CHRNB1: variants seen among roughly 807,000 people sequenced by gnomAD.
The protein encoded by CHRNB1 is cholinergic receptor nicotinic beta 1 subunit.
A neutral mutation model predicts 53.8 loss-of-function variants in CHRNB1; 47 were observed. The observed-to-expected ratio is 0.87, with a 90% CI of 0.69 to 1.11. The LOEUF is 1.11. Ranked by LOEUF, CHRNB1 falls within the 50% of genes most tolerant of loss-of-function variation. The pLI is 0.00. For synonymous variants in CHRNB1, 259 were observed against 263.5 expected, an observed-to-expected ratio of 0.98 and a Z score of 0.16; for missense variants, 605 against 654.9, an observed-to-expected ratio of 0.92 and a Z score of 0.83.
chr17:7,456,397 C>T (rs547278160), intron 10 of CHRNB1, among the ~76,000 whole-genome samples, 186 bp from the exon 11 acceptor site: 6 of 152,204 alleles, frequency 3.9e-5, no homozygotes, highest in African/African-American at 1.4e-4. Flanking sequence ...TTGGTCCCAC[C>T]CCCTGCTTAC....
chr17:7,452,024 T>A (rs977540153), intron 7 of CHRNB1, among the ~76,000 whole-genome samples: 3 of 151,626 alleles, frequency 2.0e-5, no homozygotes, highest in Admixed American at 2.0e-4. Flanking sequence ...AGAGGAATAA[T>A]ATGATCTGAT....
rs1449942133 is a variant in CHRNB1, at chr17:7,456,823, G to GA, written c.*102dup. 13 of 1,512,024 alleles carry GA rather than the reference G, an allele frequency of 8.6e-6. No homozygotes were observed. In the African/African-American group the frequency reaches 1.8e-4, roughly 21 times the overall value. The allele number at this position is 1,512,024 out of a possible 1,614,324, so 93.7% of individuals were successfully genotyped here. A position where few individuals can be genotyped will look rare whatever the true frequency, so the allele number is the denominator to read the frequency against. On this transcript the variant is annotated 3_prime_UTR_variant, in exon 11 of 11. Coordinates refer to ENST00000306071, the MANE Select transcript of CHRNB1 (RefSeq NM_000747.3). ...CTCTGCCTCTTAACTCCTTCACGAG[G>GA]AATCTGGGCCTCTTATTTCGTTTCT...
At chr17:7,454,794 CTTTTTTTTTTTT>C (rs1171593191) in intron 8 of CHRNB1, among the ~76,000 whole-genome samples, 2 of 65,526 alleles carry the variant, frequency 3.1e-5, no homozygotes, top group African/African-American at 7.5e-5. Context: ...CACTAAATAG[CTTTTTTTTTTTT>C]TTTTTTTTTT....
chr17:7,448,685 C>T lies in CHRNB1; in HGVS notation c.717C>T (p.Leu239=). ...EGQRQEVIFY[L]IIRRKPLFYL... ...AGCGCCAGGAAGTCATCTTCTACCTCATCATCCGCCGCAAGCCTCTCTTCT... is the reference window on the plus strand; with the variant it reads ...AGCGCCAGGAAGTCATCTTCTACCTTATCATCCGCCGCAAGCCTCTCTTCT... The change falls in exon 7 of 11, where the codon CTC becomes CTT. Residue 239 remains leucine (L), a synonymous_variant. Transcript: ENST00000306071. 1 of 1,614,182 alleles carries T rather than the reference C, an allele frequency of 6.2e-7. No homozygotes were observed. The highest frequency in any genetic ancestry group is 1.7e-5 in the Admixed American group (1 of 60,018).
intron 8 of CHRNB1, among the ~76,000 whole-genome samples, chr17:7,454,871 C>T (rs764055081): frequency 9.6e-4 from 129 of 133,960 alleles, no homozygotes; most frequent in Non-Finnish European, 1.8e-3. Flanking sequence ...GGCACAATCT[C>T]AGCTCACTGC....
At chr17:7,449,304 C>T (rs1200936060) in intron 7 of CHRNB1, among the ~76,000 whole-genome samples, 3 of 151,518 alleles carry the variant, frequency 2.0e-5, no homozygotes, top group Non-Finnish European at 2.9e-5. Flanking sequence ...GGAGTTTCAC[C>T]GTGTTAGCCA....
Position 7,457,625 on chromosome 17 carries a change from G to C in CHRNB1, c.*902G>C, listed in dbSNP as rs2069964597. The C allele has an allele frequency of 6.6e-6, 1 of 152,180 alleles. No individual in the cohort carries two copies. The allele number at this position is 152,180 out of a possible 1,614,324, so 9.4% of individuals were successfully genotyped here. On this transcript the variant is annotated 3_prime_UTR_variant, in exon 11 of 11. Transcript: ENST00000306071. ...GCTTATTGTTTGCATGTTGGGTCTT[G>C]TGGTCGTTTTCTTTTTACCTTTCTG...
rs370376088 is a variant in CHRNB1, at chr17:7,448,804, G to T, written c.820+16G>T. ...CCAGATGCAGGTAATGGGGGAAGGG[G>T]CTCCTTACTCTTTTGTCATTGGCTC... is the stretch of plus-strand genomic sequence containing the variant. On this transcript the variant is annotated intron_variant, in intron 7 of 10. Transcript: ENST00000306071. 1.4e-5 allele frequency: 23 copies of T among 1,611,098 alleles called. No homozygotes were observed. The African/African-American group carries it at 2.7e-4, about 19-fold the overall frequency.
Position 7,445,799 on chromosome 17 carries a change from G to A in CHRNB1, c.199-270G>A. 1.6e-6 allele frequency: 1 copy of A among 627,084 alleles called. No homozygotes were observed. The highest frequency in any genetic ancestry group is 3.0e-5 in the Admixed American group (1 of 33,838). 38.8% of individuals were successfully genotyped at this position (627,084 alleles called of 1,614,324 possible). On this transcript the variant is annotated intron_variant, in intron 2 of 10. Coordinates refer to ENST00000306071, the MANE Select transcript of CHRNB1 (RefSeq NM_000747.3). This position sits in a 1 kb window ranked among gnomAD's most constrained non-coding sequence, Gnocchi z 5.7. ...TTCGGGGCTGGGTGGATTATGAGCT[G>A]AAGGCAGGGCCGGGGACAGAGCTAG... is the stretch of plus-strand genomic sequence containing the variant.
chr17:7,445,440 C>A lies in CHRNB1; in HGVS notation c.198+31C>A, dbSNP rs1281228716. 1.9e-6 allele frequency: 3 copies of A among 1,605,708 alleles called. No homozygotes were observed. The highest frequency in any genetic ancestry group is 2.2e-5 in the South Asian group (2 of 90,464). On this transcript the variant is annotated intron_variant, in intron 2 of 10. Transcript: ENST00000306071. This position sits in a 1 kb window ranked among gnomAD's most constrained non-coding sequence, Gnocchi z 5.7. ...GGCGCGCGGGGGGTGGAGGTCAGGCCAGCCGACCGGCCGGGGGCGTGGCTT... is the reference window on the plus strand; with the variant it reads ...GGCGCGCGGGGGGTGGAGGTCAGGCAAGCCGACCGGCCGGGGGCGTGGCTT...
At chr17:7,456,525 G>C in intron 10 of CHRNB1, 58 bp from the exon 11 acceptor site, 2 of 1,609,754 alleles carry the variant, frequency 1.2e-6, no homozygotes, top group Non-Finnish European at 8.5e-7. Context: ...GGGAAATGGG[G>C]GGGTTTCCCT....
chr17:7,445,439 C>A lies in CHRNB1; in HGVS notation c.198+30C>A, dbSNP rs1217856992. On this transcript the variant is annotated intron_variant, in intron 2 of 10. Transcript: ENST00000306071. This position sits in a 1 kb window ranked among gnomAD's most constrained non-coding sequence, Gnocchi z 5.7. ...GGGCGCGCGGGGGGTGGAGGTCAGG[C>A]CAGCCGACCGGCCGGGGGCGTGGCT... is the stretch of plus-strand genomic sequence containing the variant. 1 of 1,607,308 alleles carries A rather than the reference C, an allele frequency of 6.2e-7. No homozygotes were observed. Among genetic ancestry groups the A allele is most frequent in the Non-Finnish European group, 8.5e-7 (1 of 1,178,550 alleles).
Position 7,455,903 on chromosome 17 carries a change from A to G in CHRNB1, c.1327A>G (p.Ile443Val), listed in dbSNP as rs2069945197. ...GGAGGTCGTCTCCTCTATCAGCTAC[A>G]TCGCTCGACAGCTGCAGGAACAGGA... ...LREVVSSISY[I>V]ARQLQEQEDH... Residue 443 changes from isoleucine to valine, a missense_variant, in exon 10 of 11, where the codon ATC becomes GTC. Physicochemically the swap from Ile to Val is conservative, Grantham distance 29 (BLOSUM62 3). Coordinates refer to ENST00000306071, the MANE Select transcript of CHRNB1 (RefSeq NM_000747.3). The G allele has an allele frequency of 6.2e-7, 1 of 1,614,128 alleles. No individual in the cohort carries two copies.
At position 7,455,285 on chromosome 17, in the gene CHRNB1, T is replaced by A. The variant is rs1382657530; in HGVS notation, c.1046T>A (p.Ile349Asn). ...CAATACGCCTCTTCTACTCTGCAGA[T>A]CTTCATTCACAAACTTCCGCTGTAC... Reference protein sequence around the residue: ...THQMPLWVRQIFIHKLPLYLR... With the variant: ...THQMPLWVRQNFIHKLPLYLR... The change falls in exon 9 of 11, where the codon ATC becomes AAC. Residue 349 changes from isoleucine to asparagine, a missense_variant and splice_region_variant. Ile to Asn is a moderately radical substitution (Grantham distance 149). Transcript: ENST00000306071. 1 of 1,613,986 alleles carries A rather than the reference T, an allele frequency of 6.2e-7. No individual in the cohort carries two copies.
Position 7,445,313 on chromosome 17 carries a change from T to G in CHRNB1, c.102T>G (p.Leu34=). ...CGGAGGGTCGACTCCGGGAGAAACT[T>G]TTCTCTGGCTATGATAGCTCCGTGC... ...SEAEGRLREK[L]FSGYDSSVRP... The change falls in exon 2 of 11, where the codon CTT becomes CTG. Residue 34 remains leucine, a synonymous_variant. Coordinates refer to ENST00000306071, the MANE Select transcript of CHRNB1 (RefSeq NM_000747.3). This position sits in a 1 kb window ranked among gnomAD's most constrained non-coding sequence, Gnocchi z 5.7. The G allele has an allele frequency of 6.2e-7, 1 of 1,613,020 alleles. No homozygotes were observed. The highest frequency in any genetic ancestry group is 8.5e-7 in the Non-Finnish European group (1 of 1,179,814).
intron 7 of CHRNB1, among the ~76,000 whole-genome samples, chr17:7,450,166 C>A (rs1908835194): frequency 1.4e-5 from 2 of 142,934 alleles, no homozygotes; most frequent in African/African-American, 2.6e-5. Context: ...TTTTTCGAGA[C>A]AGAGTTTTGC....
In CHRNB1 at chr17:7,446,327, C is replaced by CTGTGTGTG. The variant is rs58239884; in HGVS notation, c.243+253_243+260dup. 1,269 of 234,970 alleles carry CTGTGTGTG rather than the reference C, an allele frequency of 5.4e-3. 27 individuals are homozygous for CTGTGTGTG. Among genetic ancestry groups the CTGTGTGTG allele is most frequent in the East Asian group, 7.9e-3 (85 of 10,718 alleles). The allele number at this position is 234,970 out of a possible 1,614,324, so 14.6% of individuals were successfully genotyped here. On this transcript the variant is annotated intron_variant, in intron 3 of 10. Coordinates refer to ENST00000306071, the MANE Select transcript of CHRNB1 (RefSeq NM_000747.3). Reference sequence around the variant, plus strand: ...TTTGTGTGTGTGTGTGTGTGTGTGTCTGTGTGTGTGTGTGTGTGTGTGTGT... The same window carrying CTGTGTGTG: ...TTTGTGTGTGTGTGTGTGTGTGTGTCTGTGTGTGTGTGTGTGTGTGTGTGTGTGTGTGT...
chr17:7,445,268 A>G lies in CHRNB1; in HGVS notation c.59-2A>G. Reference sequence around the variant, plus strand: ...GGCTGCACTTATTCTCTCCTCCCCCAGGCGTCCGCGGCTCGGAGGCGGAGG... The same window carrying G: ...GGCTGCACTTATTCTCTCCTCCCCCGGGCGTCCGCGGCTCGGAGGCGGAGG... On this transcript the variant is annotated splice_acceptor_variant, in intron 1 of 10. Coordinates refer to ENST00000306071, the MANE Select transcript of CHRNB1 (RefSeq NM_000747.3). LOFTEE classifies it high-confidence loss of function. The surrounding 1 kb of genome is among the most constrained non-coding windows in gnomAD (Gnocchi z 5.7). 3 of 1,612,868 alleles carry G rather than the reference A, an allele frequency of 1.9e-6. No individual in the cohort carries two copies. The highest frequency in any genetic ancestry group is 2.5e-6 in the Non-Finnish European group (3 of 1,179,762).
chr17:7,448,634 C>A lies in CHRNB1; in HGVS notation c.666C>A (p.Gly222=), dbSNP rs148897414. Reference sequence around the variant, plus strand: ...CCTCTCGGCTAATCCAGCCTCCAGGCGATCCTAGGGGAGGGAGGGAAGGAC... The same window carrying A: ...CCTCTCGGCTAATCCAGCCTCCAGGAGATCCTAGGGGAGGGAGGGAAGGAC... The part of the protein sequence containing the change: ...HKPSRLIQPP[G]DPRGGREGQR... Residue 222 remains glycine, a synonymous_variant, in exon 7 of 11, where the codon GGC becomes GGA. Coordinates refer to ENST00000306071, the MANE Select transcript of CHRNB1 (RefSeq NM_000747.3). The A allele has an allele frequency of 7.4e-6, 12 of 1,614,020 alleles. No individual in the cohort carries two copies. The South Asian group carries it at 9.9e-5, about 13-fold the overall frequency.
Sources: allele counts gnomAD v4.1 joint callset (sites outside exome capture counted in the v4.1 genomes callset), GRCh38; gene constraint gnomAD v4.1.1; non-coding constraint Gnocchi (gnomAD v3.1); transcripts MANE v1.5; gene names NCBI Gene and HGNC (gene_info 2026-07-23, HGNC 2026-07-21).